The following RAB3IP variants were observed in gnomAD, a reference collection of about 807,000 sequenced individuals.
The protein encoded by RAB3IP is rab-3A-interacting protein.
A neutral mutation model predicts 59.1 loss-of-function variants in RAB3IP; 36 were observed. That is an observed-to-expected ratio of 0.61 (90% CI 0.47 to 0.80). The LOEUF is 0.80. Among genes scored for constraint, RAB3IP ranks in the 30% least tolerant of loss-of-function variants. RAB3IP has a pLI of 0.00. For missense variants in RAB3IP, 511 were observed against 536.0 expected (o/e 0.95, Z 0.46); for synonymous variants, 207 against 191.2 (o/e 1.08, Z -0.68).
At chr12:69,753,854 G>A (rs1869733639) in intron 1 of RAB3IP, among the ~76,000 whole-genome samples, 1 of 152,094 alleles carries the variant, frequency 6.6e-6, no homozygotes, top group African/African-American at 2.4e-5. Flanking sequence ...TTCTTCAGAG[G>A]AAAAACTTGA....
intron 8 of RAB3IP, among the ~76,000 whole-genome samples, chr12:69,807,224 C>A (rs1158563266): frequency 2.7e-5 from 4 of 150,416 alleles, no homozygotes; most frequent in Non-Finnish European, 5.9e-5. Flanking sequence ...AGGCTCTCCT[C>A]ACCTCTCAGA....
chr12:69,784,819 G>A lies in RAB3IP; in HGVS notation c.606+4G>A. The A allele has an allele frequency of 1.3e-6, 2 of 1,580,326 alleles. No homozygotes were observed. The highest frequency in any genetic ancestry group is 1.7e-6 in the Non-Finnish European group (2 of 1,154,048). The stretch of plus-strand genomic sequence containing the variant: ...ACTCACAGCTAGTCTATTTGAGGTT[G>A]GTCTATTTACATCTTGGCCAACAGC... On this transcript the variant is annotated splice_donor_region_variant and intron_variant, in intron 4 of 10. Coordinates refer to ENST00000247833, the MANE Select transcript of RAB3IP (RefSeq NM_022456.5).
chr12:69,787,745 C>T lies in RAB3IP; in HGVS notation c.606+2930C>T, dbSNP rs563764511. ...TCAATAGATACCAAACTTTTTGATCCTGTACCTGATCAGTACGAGAAAAAT... is the reference window on the plus strand; with the variant it reads ...TCAATAGATACCAAACTTTTTGATCTTGTACCTGATCAGTACGAGAAAAAT... On this transcript the variant is annotated intron_variant, in intron 4 of 10. Transcript: ENST00000247833. Among the ~76,000 whole-genome samples the T allele has an allele frequency of 4.0e-4, 61 of 152,162 alleles. No individual in the cohort carries two copies. The South Asian group carries it at 0.012, about 30-fold the overall frequency.
intron 3 of RAB3IP, among the ~76,000 whole-genome samples, chr12:69,780,727 T>C (rs188278768): frequency 5.8e-4 from 89 of 152,238 alleles, no homozygotes; most frequent in Admixed American, 4.2e-3. Flanking sequence ...AGGGTAACTT[T>C]CAGGTCTGCT....
At chr12:69,772,775 T>C (rs1873363653) in intron 3 of RAB3IP, among the ~76,000 whole-genome samples, 1 of 152,186 alleles carries the variant, frequency 6.6e-6, no homozygotes, top group African/African-American at 2.4e-5. Context: ...ACAGTTCTTA[T>C]TTTTAATAGT....
At position 69,815,326 on chromosome 12, in the gene RAB3IP, T is replaced by C. The variant is rs1223391090; in HGVS notation, c.1301-38T>C. ...AACATTAAAAATAATGAAGATGGTATTTTATGATTTAAATATCTCTCTTTT... is the reference window on the plus strand; with the variant it reads ...AACATTAAAAATAATGAAGATGGTACTTTATGATTTAAATATCTCTCTTTT... On this transcript the variant is annotated intron_variant, in intron 10 of 10. Coordinates refer to ENST00000247833, the MANE Select transcript of RAB3IP (RefSeq NM_022456.5). The C allele has an allele frequency of 2.2e-6, 3 of 1,393,496 alleles. No individual in the cohort carries two copies. The African/African-American group carries it at 4.3e-5, about 20-fold the overall frequency. The allele number at this position is 1,393,496 out of a possible 1,614,324, so 86.3% of individuals were successfully genotyped here. A position where few individuals can be genotyped will look rare whatever the true frequency, so the allele number is the denominator to read the frequency against.
intron 3 of RAB3IP, among the ~76,000 whole-genome samples, chr12:69,779,821 C>A (rs557879165): frequency 1.6e-3 from 242 of 152,212 alleles, no homozygotes; most frequent in African/African-American, 5.0e-3. Context: ...CACACATCTC[C>A]ATCTTTTTAG....
At chr12:69,806,396 T>C (rs1879273720) in intron 8 of RAB3IP, among the ~76,000 whole-genome samples, 1 of 152,094 alleles carries the variant, frequency 6.6e-6, no homozygotes, top group Non-Finnish European at 1.5e-5. Flanking sequence ...TTTTCTTCTT[T>C]ATTAGTCTTG....
chr12:69,768,663 C>T (rs1333331670), intron 3 of RAB3IP, among the ~76,000 whole-genome samples: 1 of 152,184 alleles, frequency 6.6e-6, no homozygotes, highest in Admixed American at 6.5e-5. Context: ...CAAACTGGCC[C>T]TGGCTGCAAG....
intron 1 of RAB3IP, among the ~76,000 whole-genome samples, chr12:69,749,221 C>T (rs1450842538): frequency 1.3e-5 from 2 of 152,208 alleles, no homozygotes; most frequent in African/African-American, 2.4e-5. Context: ...CAGCAAGCTG[C>T]ATTAGATTCT....
chr12:69,748,225 G>A (rs1224035516), intron 1 of RAB3IP, among the ~76,000 whole-genome samples: 1 of 151,922 alleles, frequency 6.6e-6, no homozygotes. Flanking sequence ...TTTAAAATAT[G>A]TATATGCATT....
intron 3 of RAB3IP, among the ~76,000 whole-genome samples, chr12:69,771,939 C>T (rs1429722498): frequency 6.6e-6 from 1 of 152,036 alleles, no homozygotes; most frequent in Non-Finnish European, 1.5e-5. Flanking sequence ...ATTTGTATGT[C>T]TTCTGAGAAA....
In RAB3IP at chr12:69,806,463, A is replaced by AT. The variant is rs568315049; in HGVS notation, c.1130+4749dup. 1.7e-3 allele frequency among the ~76,000 whole-genome samples: 245 copies of AT among 145,060 alleles called. 4 individuals carry two copies. The East Asian group carries it at 0.039, about 23-fold the overall frequency. Reference sequence around the variant, plus strand: ...AAAAAACCAGCTCCTGGATTCATTGATTTTTTTGAAGGGTTTTTTGCGTCT... The same window carrying AT: ...AAAAAACCAGCTCCTGGATTCATTGATTTTTTTTGAAGGGTTTTTTGCGTCT... On this transcript the variant is annotated intron_variant, in intron 8 of 10. Coordinates refer to ENST00000247833, the MANE Select transcript of RAB3IP (RefSeq NM_022456.5).
At chr12:69,745,803 T>C (rs1296739638) in intron 1 of RAB3IP, among the ~76,000 whole-genome samples, 1 of 152,200 alleles carries the variant, frequency 6.6e-6, no homozygotes, top group Non-Finnish European at 1.5e-5. Flanking sequence ...CTTTAACCTT[T>C]ATTCCCATCT....
chr12:69,811,394 C>A (rs1339879415), intron 8 of RAB3IP, among the ~76,000 whole-genome samples: 2 of 152,002 alleles, frequency 1.3e-5, no homozygotes, highest in Non-Finnish European at 2.9e-5. Context: ...CCTGAACTTA[C>A]AAGTTAAAAA....
intron 3 of RAB3IP, among the ~76,000 whole-genome samples, chr12:69,783,976 A>G (rs1875197676): frequency 1.3e-5 from 2 of 152,324 alleles, no homozygotes; most frequent in Admixed American, 6.5e-5. Context: ...TAACACCACT[A>G]ACTCATTATT....
At chr12:69,765,083 T>A (rs1162690631) in intron 3 of RAB3IP, among the ~76,000 whole-genome samples, 2 of 152,200 alleles carry the variant, frequency 1.3e-5, no homozygotes, top group Non-Finnish European at 2.9e-5. Flanking sequence ...ATATAGTCTG[T>A]AGGAGAGGTA....
At chr12:69,759,905 T>C (rs7969905) in intron 3 of RAB3IP, among the ~76,000 whole-genome samples, 134,033 of 151,062 alleles carry the variant, frequency 0.89, 59,581 homozygotes, top group Admixed American at 0.93. Flanking sequence ...GGGTCGCGGC[T>C]GGACAGAGGC....
intron 1 of RAB3IP, among the ~76,000 whole-genome samples, chr12:69,751,554 T>C (rs1183739232): frequency 6.6e-6 from 1 of 152,208 alleles, no homozygotes; most frequent in African/African-American, 2.4e-5. Flanking sequence ...TCTTTGATTT[T>C]ATATTTGTAG....
Sources: gnomAD v4.1 joint callset for allele counts (sites outside exome capture counted in the v4.1 genomes callset) on GRCh38, gnomAD v4.1.1 for gene constraint, MANE v1.5 for transcripts, NCBI Gene and HGNC (gene_info 2026-07-23, HGNC 2026-07-21) for gene names.